IGF1: variants seen among roughly 807,000 people sequenced by gnomAD.
IGF1 encodes the protein insulin like growth factor 1.
In IGF1, 4 loss-of-function variants were observed where a neutral mutation model predicts 13.8. That is an observed-to-expected ratio of 0.29 (90% CI 0.14 to 0.66). The LOEUF is 0.66. IGF1 is among the 30% of genes least tolerant of loss of function. The pLI is 0.78. For missense variants in IGF1, 124 were observed against 188.5 expected, an observed-to-expected ratio of 0.66 and a Z score of 2.00; for synonymous variants, 76 against 72.6, an observed-to-expected ratio of 1.05 and a Z score of -0.23.
Position 102,402,872 on chromosome 12 carries a change from C to A in IGF1, c.403-306G>T, listed in dbSNP as rs144655919. Among the ~76,000 whole-genome samples, 3 of 152,266 alleles carry A rather than the reference C, an allele frequency of 2.0e-5. No homozygotes were observed. In the East Asian group the frequency reaches 5.8e-4, roughly 29 times the overall value. On this transcript the variant is annotated intron_variant, in intron 3 of 3. Coordinates refer to ENST00000337514, the MANE Select transcript of IGF1 (RefSeq NM_000618.5). ...ACAGATTCATTGATTGAAAGGAGAT[C>A]CTGAAAAATCCAGCCTTCTGGCCTC...
chr12:102,421,723 C>A (rs965366720), intron 2 of IGF1, among the ~76,000 whole-genome samples: 5 of 152,172 alleles, frequency 3.3e-5, no homozygotes, highest in Non-Finnish European at 7.3e-5. Context: ...TTAGCCAACT[C>A]AGAAACAACT....
chr12:102,460,139 T>C (rs1005730341), intron 2 of IGF1, among the ~76,000 whole-genome samples: 2 of 152,242 alleles, frequency 1.3e-5, no homozygotes, highest in African/African-American at 4.8e-5. Flanking sequence ...GAGAAGTTGT[T>C]AATCTTTTGT....
chr12:102,422,567 C>T (rs1875830040), intron 2 of IGF1, among the ~76,000 whole-genome samples: 1 of 152,182 alleles, frequency 6.6e-6, no homozygotes, highest in Admixed American at 6.5e-5. Context: ...TCAAATGCTA[C>T]ATATTGTTTA....
intron 1 of IGF1, among the ~76,000 whole-genome samples, chr12:102,477,306 C>T (rs539744455): frequency 2.6e-5 from 4 of 150,996 alleles, no homozygotes; most frequent in East Asian, 3.9e-4. Flanking sequence ...CCCTGTCTCT[C>T]GTTAACAAAA....
intron 3 of IGF1, among the ~76,000 whole-genome samples, chr12:102,407,747 G>A (rs1874297964): frequency 6.6e-6 from 1 of 152,108 alleles, no homozygotes; most frequent in Non-Finnish European, 1.5e-5. Context: ...TGTGCCATGG[G>A]ACAGAAGACT....
upstream of IGF1, among the ~76,000 whole-genome samples, chr12:102,480,812 G>A (rs1881350971): frequency 6.6e-6 from 1 of 152,144 alleles, no homozygotes; most frequent in Non-Finnish European, 1.5e-5. Context: ...TACTTATGCT[G>A]CCATAGAAAA....
chr12:102,457,506 G>C (rs1946467623), intron 2 of IGF1, among the ~76,000 whole-genome samples: 1 of 152,162 alleles, frequency 6.6e-6, no homozygotes, highest in African/African-American at 2.4e-5. Context: ...TGTTTGCCCA[G>C]TATTTCTGGC....
rs374782264 is a variant in IGF1 at position 102,452,123 on chromosome 12, G to A, written c.220+23520C>T. ...TAAAAATACAAAAAATTAGCCGGGC[G>A]TGGTAGCGGGCGCCTGTAGTCCCAG... On this transcript the variant is annotated intron_variant, in intron 2 of 3. Transcript: ENST00000337514. Among the ~76,000 whole-genome samples the A allele has an allele frequency of 4.5e-3, 683 of 151,700 alleles. 8 individuals carry two copies. The highest frequency in any genetic ancestry group is 0.015 in the African/African-American group (641 of 41,412).
chr12:102,419,483 G>T, intron 3 of IGF1, 26 bp downstream of exon 3: 1 of 1,607,650 alleles, frequency 6.2e-7, no homozygotes, highest in Admixed American at 1.7e-5. Flanking sequence ...CTTGAGGATG[G>T]CTGGATCCCA....
intron 3 of IGF1, among the ~76,000 whole-genome samples, chr12:102,412,450 C>T (rs975767047): frequency 6.6e-6 from 1 of 152,098 alleles, no homozygotes; most frequent in African/African-American, 2.4e-5. Flanking sequence ...TCCCCTTCCC[C>T]TCAAAACTGT....
At chr12:102,431,000 T>C (rs964529387) in intron 2 of IGF1, among the ~76,000 whole-genome samples, 1 of 152,226 alleles carries the variant, frequency 6.6e-6, no homozygotes, top group Non-Finnish European at 1.5e-5. Flanking sequence ...TACTCTCTTT[T>C]CAAACCAAAT....
intron 2 of IGF1, among the ~76,000 whole-genome samples, chr12:102,469,397 C>G (rs909779474): frequency 6.6e-6 from 1 of 152,138 alleles, no homozygotes. Context: ...AAGAGAAGCT[C>G]CCCAGATCCT....
intron 2 of IGF1, among the ~76,000 whole-genome samples, chr12:102,452,561 G>T (rs1879058036): frequency 6.6e-6 from 1 of 152,130 alleles, no homozygotes; most frequent in South Asian, 2.1e-4. Flanking sequence ...TGTGTTAGGG[G>T]GGTCTTGCCA....
chr12:102,415,852 G>C (rs17727841), intron 3 of IGF1: 20,095 of 152,126 alleles, frequency 0.13, 1,708 homozygotes, highest in Non-Finnish European at 0.18. Context: ...GTCTTAGCTG[G>C]AGAACTTAGT....
At chr12:102,429,311 T>A (rs575146105) in intron 2 of IGF1, among the ~76,000 whole-genome samples, 1 of 152,298 alleles carries the variant, frequency 6.6e-6, no homozygotes, top group African/African-American at 2.4e-5. Context: ...AACATGACCA[T>A]GAAACTGTAA....
chr12:102,407,564 T>C (rs763252660), intron 3 of IGF1, among the ~76,000 whole-genome samples: 11 of 152,234 alleles, frequency 7.2e-5, no homozygotes, highest in Non-Finnish European at 1.3e-4. Context: ...TTTGGACCTA[T>C]TCCTTCTGAT....
intron 3 of IGF1, among the ~76,000 whole-genome samples, chr12:102,417,261 C>T (rs765753278): frequency 1.3e-5 from 2 of 152,274 alleles, no homozygotes; most frequent in East Asian, 1.9e-4. Flanking sequence ...CCTCACAGAC[C>T]TCACAGGGTT....
rs568220123 is a variant in IGF1 at position 102,398,095 on chromosome 12, A to C, written c.*4412T>G. The C allele has an allele frequency of 2.0e-5, 3 of 152,004 alleles. No homozygotes were observed. The highest frequency in any genetic ancestry group is 6.6e-5 in the Admixed American group (1 of 15,224). 9.4% of individuals were successfully genotyped at this position (152,004 alleles called of 1,614,324 possible). ...TAAAGACTGTATAAAGTAAAAAAAA[A>C]AAAAAAACAAAAACAAGAAACAAAA... On this transcript the variant is annotated 3_prime_UTR_variant, in exon 4 of 4. Coordinates refer to ENST00000337514, the MANE Select transcript of IGF1 (RefSeq NM_000618.5).
At chr12:102,459,218 A>G (rs150864670) in intron 2 of IGF1, among the ~76,000 whole-genome samples, 34 of 152,338 alleles carry the variant, frequency 2.2e-4, no homozygotes, top group African/African-American at 8.2e-4. Flanking sequence ...TAAGAAAGTC[A>G]GATAGAGACC....
Sources: gnomAD v4.1 joint callset for allele counts (sites outside exome capture counted in the v4.1 genomes callset) on GRCh38, gnomAD v4.1.1 for gene constraint, MANE v1.5 for transcripts, NCBI Gene and HGNC (gene_info 2026-07-23, HGNC 2026-07-21) for gene names.